Variants in PARD3 observed in about 807,000 individuals in gnomAD.
The protein encoded by PARD3 is partitioning defective 3 homolog.
In PARD3, 75 loss-of-function variants were observed where a neutral mutation model predicts 155.4. That is an observed-to-expected ratio of 0.48 (90% CI 0.40 to 0.58). PARD3 has a LOEUF of 0.58. PARD3 is among the 20% of genes least tolerant of loss of function. The pLI is 0.00. For synonymous variants in PARD3, 576 were observed against 610.5 expected, an observed-to-expected ratio of 0.94 and a Z score of 0.83; for missense variants, 1,642 against 1,721.7, an observed-to-expected ratio of 0.95 and a Z score of 0.82.
chr10:34,256,435 A>C (rs1954660691), intron 22 of PARD3, among the ~76,000 whole-genome samples: 1 of 152,230 alleles, frequency 6.6e-6, no homozygotes, highest in Non-Finnish European at 1.5e-5. Flanking sequence ...TCTCGGAGAC[A>C]ATCAGGACTT....
chr10:34,478,069 G>A (rs2078828238), intron 3 of PARD3, among the ~76,000 whole-genome samples: 1 of 152,200 alleles, frequency 6.6e-6, no homozygotes, highest in South Asian at 2.1e-4. Context: ...GAAGAAATTT[G>A]TGGAAGGCAG....
intron 18 of PARD3, among the ~76,000 whole-genome samples, chr10:34,332,521 A>G (rs1835724568): frequency 6.6e-6 from 1 of 152,244 alleles, no homozygotes; most frequent in South Asian, 2.1e-4. Flanking sequence ...TAGTTGTGAC[A>G]TAGGCTTTTC....
At chr10:34,395,922 T>C (rs1235428339) in intron 7 of PARD3, among the ~76,000 whole-genome samples, 1 of 152,172 alleles carries the variant, frequency 6.6e-6, no homozygotes, top group African/African-American at 2.4e-5. Flanking sequence ...TTGTCTCTAT[T>C]TCTACATATC....
intron 3 of PARD3, among the ~76,000 whole-genome samples, chr10:34,475,963 T>A (rs529285263): frequency 2.6e-5 from 4 of 152,092 alleles, no homozygotes; most frequent in African/African-American, 9.6e-5. Context: ...ACCATGTAAA[T>A]CAAGCCTTCG....
chr10:34,147,696 A>T (rs1194375103), intron 22 of PARD3, among the ~76,000 whole-genome samples: 2 of 151,900 alleles, frequency 1.3e-5, no homozygotes, highest in Admixed American at 6.6e-5. Context: ...ATAGATTTTT[A>T]AAATATTTGT....
chr10:34,723,701 C>A (rs950408068), intron 1 of PARD3, among the ~76,000 whole-genome samples: 20 of 152,318 alleles, frequency 1.3e-4, no homozygotes, highest in African/African-American at 4.3e-4. Context: ...AGGGAAAAAG[C>A]TCAATCACTT....
At chr10:34,471,621 C>G (rs1455442309) in intron 3 of PARD3, among the ~76,000 whole-genome samples, 1 of 152,208 alleles carries the variant, frequency 6.6e-6, no homozygotes, top group Non-Finnish European at 1.5e-5. Context: ...GTGGCACAAT[C>G]TCGGCTCACA....
chr10:34,241,058 T>C (rs1268305355), intron 22 of PARD3, among the ~76,000 whole-genome samples: 2 of 152,080 alleles, frequency 1.3e-5, no homozygotes, highest in Non-Finnish European at 2.9e-5. Context: ...GAGGGCAGAA[T>C]CAGAAATAGA....
chr10:34,274,536 TATG>T (rs1476468592), intron 21 of PARD3, among the ~76,000 whole-genome samples: 1 of 152,198 alleles, frequency 6.6e-6, no homozygotes, highest in Admixed American at 6.5e-5. Context: ...CCCACTATAC[TATG>T]ATATTTGGTC....
At chr10:34,266,686 G>A (rs930164119) in intron 22 of PARD3, among the ~76,000 whole-genome samples, 3 of 152,158 alleles carry the variant, frequency 2.0e-5, no homozygotes, top group Non-Finnish European at 4.4e-5. Flanking sequence ...ACTGCTTGGT[G>A]TAACTCATCC....
intron 1 of PARD3, among the ~76,000 whole-genome samples, chr10:34,747,541 T>C (rs1474177378): frequency 6.6e-6 from 1 of 152,224 alleles, no homozygotes; most frequent in Non-Finnish European, 1.5e-5. Context: ...TTATCTCAAC[T>C]AAAAATGAAA....
At chr10:34,604,859 T>G (rs2090093077) in intron 2 of PARD3, among the ~76,000 whole-genome samples, 3 of 152,112 alleles carry the variant, frequency 2.0e-5, no homozygotes, top group South Asian at 4.1e-4. Flanking sequence ...ATGCTATTAC[T>G]CATTACTGGA....
At chr10:34,342,481 GCAA>G (rs1352056733) in intron 15 of PARD3, among the ~76,000 whole-genome samples, 3 of 152,166 alleles carry the variant, frequency 2.0e-5, no homozygotes, top group African/African-American at 7.2e-5. Flanking sequence ...ATTTTAGATA[GCAA>G]CAACATCATT....
chr10:34,753,963 G>GA (rs965814116), intron 1 of PARD3, among the ~76,000 whole-genome samples: 1 of 150,916 alleles, frequency 6.6e-6, no homozygotes, highest in African/African-American at 2.4e-5. Context: ...TGATAACGTA[G>GA]AAAAAACAAA....
At chr10:34,390,460 G>C (rs1234348869) in intron 7 of PARD3, among the ~76,000 whole-genome samples, 1 of 152,104 alleles carries the variant, frequency 6.6e-6, no homozygotes, top group Non-Finnish European at 1.5e-5. Flanking sequence ...ATTCTTATTA[G>C]CTGCCACTGC....
chr10:34,761,987 CAGCCACAAAAG>C (rs1278291102), intron 1 of PARD3, among the ~76,000 whole-genome samples: 36 of 152,234 alleles, frequency 2.4e-4, no homozygotes, highest in African/African-American at 8.2e-4. Flanking sequence ...GATTTGAACA[CAGCCACAAAAG>C]AGCATTCAAT....
chr10:34,460,263 C>T (rs2077560056), intron 4 of PARD3, among the ~76,000 whole-genome samples: 2 of 152,280 alleles, frequency 1.3e-5, no homozygotes, highest in South Asian at 2.1e-4. Flanking sequence ...AAATGTGATT[C>T]AGGGAATTTG....
chr10:34,527,700 T>C (rs1170064051), intron 2 of PARD3, among the ~76,000 whole-genome samples: 2 of 152,146 alleles, frequency 1.3e-5, no homozygotes, highest in Admixed American at 1.3e-4. Context: ...AAACCAATAT[T>C]AGCAAAAGAT....
At chr10:34,284,905 G>A (rs547061056) in intron 20 of PARD3, among the ~76,000 whole-genome samples, 1 of 152,242 alleles carries the variant, frequency 6.6e-6, no homozygotes, top group African/African-American at 2.4e-5. Context: ...ACAAACACAC[G>A]GAACAAACCC....
Sources: gnomAD v4.1 joint callset for allele counts (sites outside exome capture counted in the v4.1 genomes callset) on GRCh38, gnomAD v4.1.1 for gene constraint, MANE v1.5 for transcripts, NCBI Gene and HGNC (gene_info 2026-07-23, HGNC 2026-07-21) for gene names.